Variants in YPEL2 observed in about 807,000 individuals in gnomAD.
YPEL2 encodes protein yippee-like 2.
A neutral mutation model predicts 19.1 loss-of-function variants in YPEL2; 2 were observed. That is an observed-to-expected ratio of 0.10 (90% CI 0.04 to 0.33). The LOEUF is 0.33. Ranked by LOEUF, YPEL2 falls within the 10% of genes least tolerant of loss-of-function variation. The pLI is 1.00. For synonymous variants in YPEL2, 52 were observed against 50.0 expected, an observed-to-expected ratio of 1.04 and a Z score of -0.17; for missense variants, 66 against 140.7, an observed-to-expected ratio of 0.47 and a Z score of 2.68.
chr17:59,340,283 A>G (rs1035273173), intron 1 of YPEL2, among the ~76,000 whole-genome samples: 7 of 149,704 alleles, frequency 4.7e-5, no homozygotes, highest in Non-Finnish European at 8.9e-5. Flanking sequence ...TAATTTTTGT[A>G]TTTTTAGTAG....
chr17:59,351,931 T>C (rs979514478), intron 1 of YPEL2, among the ~76,000 whole-genome samples: 1 of 152,164 alleles, frequency 6.6e-6, no homozygotes, highest in African/African-American at 2.4e-5. Flanking sequence ...AGGTATAAAG[T>C]GTCCCAGAAG....
chr17:59,358,887 C>T (rs1191505435), intron 2 of YPEL2, among the ~76,000 whole-genome samples: 4 of 150,426 alleles, frequency 2.7e-5, no homozygotes, highest in South Asian at 2.1e-4. Context: ...GGATTACAGG[C>T]GTGAGCCACT....
chr17:59,331,933 C>T (rs2047671824), intron 1 of YPEL2, 109 bp downstream of exon 1: 1 of 151,396 alleles, frequency 6.6e-6, no homozygotes, highest in Admixed American at 6.6e-5. Context: ...CCGGCCGGGC[C>T]TGCGCGGGGT....
chr17:59,397,844 G>A lies in YPEL2; in HGVS notation c.*654G>A, dbSNP rs563164242. 1.3e-5 allele frequency: 2 copies of A among 152,520 alleles called. No individual in the cohort carries two copies. Among genetic ancestry groups the A allele is most frequent in the Admixed American group, 6.5e-5 (1 of 15,286 alleles). The allele number at this position is 152,520 out of a possible 1,614,324, so 9.4% of individuals were successfully genotyped here. A position where few individuals can be genotyped will look rare whatever the true frequency, so the allele number is the denominator to read the frequency against. On this transcript the variant is annotated 3_prime_UTR_variant, in exon 5 of 5. Coordinates refer to ENST00000312655, the MANE Select transcript of YPEL2 (RefSeq NM_001005404.4). ...AGGGCCTGGTTCTCCTGGGCTGAGT[G>A]GGGGAGTGTCCTGGCAGCAGCGAGT...
intron 2 of YPEL2, among the ~76,000 whole-genome samples, chr17:59,385,407 C>T (rs1424677597): frequency 2.6e-5 from 4 of 151,620 alleles, no homozygotes; most frequent in Admixed American, 2.6e-4. Flanking sequence ...GGCAAGATTC[C>T]GTCTCTACAA....
At chr17:59,396,134 G>A (rs2048038181) in intron 4 of YPEL2, among the ~76,000 whole-genome samples, 1 of 152,178 alleles carries the variant, frequency 6.6e-6, no homozygotes. Flanking sequence ...TTAGAAACTA[G>A]CAGGAATGAC....
At position 59,353,612 on chromosome 17, in the gene YPEL2, G is replaced by T; in HGVS notation, c.117+86G>T. The stretch of plus-strand genomic sequence containing the variant: ...GTTGCAGAGGTTTACAAGCTCTCAA[G>T]AATATTTGTACTCCATCTTTGTACA... On this transcript the variant is annotated intron_variant, in intron 2 of 4. Coordinates refer to ENST00000312655, the MANE Select transcript of YPEL2 (RefSeq NM_001005404.4). The surrounding 1 kb of genome is among the most constrained non-coding windows in gnomAD (Gnocchi z 4.8). 9.8e-7 allele frequency: 1 copy of T among 1,017,716 alleles called. No homozygotes were observed. The highest frequency in any genetic ancestry group is 2.4e-5 in the East Asian group (1 of 42,010). 63.0% of individuals were successfully genotyped at this position (1,017,716 alleles called of 1,614,324 possible).
intron 2 of YPEL2, among the ~76,000 whole-genome samples, chr17:59,369,280 T>C (rs2047885327): frequency 6.6e-6 from 1 of 152,144 alleles, no homozygotes; most frequent in Non-Finnish European, 1.5e-5. Flanking sequence ...TTCTGCAGTC[T>C]TTATGTATTT....
intron 2 of YPEL2, among the ~76,000 whole-genome samples, chr17:59,362,436 A>G (rs1457109631): frequency 6.6e-6 from 1 of 152,148 alleles, no homozygotes; most frequent in Non-Finnish European, 1.5e-5. Flanking sequence ...TTTAGTATCA[A>G]GGGAGCTGCT....
At chr17:59,347,610 TGA>T (rs1211579497) in intron 1 of YPEL2, among the ~76,000 whole-genome samples, 5 of 152,232 alleles carry the variant, frequency 3.3e-5, no homozygotes, top group Admixed American at 6.5e-5. Flanking sequence ...TTCAGGCTGT[TGA>T]GAGCATGGCC....
At position 59,401,291 on chromosome 17, in the gene YPEL2, A is replaced by G. The variant is rs987368792; in HGVS notation, c.*4101A>G. 6.6e-6 allele frequency: 1 copy of G among 151,538 alleles called. No homozygotes were observed. Among genetic ancestry groups the G allele is most frequent in the Non-Finnish European group, 1.5e-5 (1 of 68,036 alleles). The allele number at this position is 151,538 out of a possible 1,614,324, so 9.4% of individuals were successfully genotyped here. A position where few individuals can be genotyped will look rare whatever the true frequency, so the allele number is the denominator to read the frequency against. Reference sequence around the variant, plus strand: ...GAAAATATGCTAGTTATCTAGATAGAGGAAAGAGATATTTACTTTTTTAAA... The same window carrying G: ...GAAAATATGCTAGTTATCTAGATAGGGGAAAGAGATATTTACTTTTTTAAA... On this transcript the variant is annotated 3_prime_UTR_variant, in exon 5 of 5. Coordinates refer to ENST00000312655, the MANE Select transcript of YPEL2 (RefSeq NM_001005404.4).
intron 2 of YPEL2, among the ~76,000 whole-genome samples, chr17:59,377,772 G>A (rs2047929538): frequency 6.6e-6 from 1 of 152,196 alleles, no homozygotes; most frequent in Non-Finnish European, 1.5e-5. Flanking sequence ...TGGGGTCTAA[G>A]CCGTAGGGGG....
intron 1 of YPEL2, among the ~76,000 whole-genome samples, chr17:59,344,900 TC>T (rs2047748530): frequency 1.3e-5 from 2 of 152,200 alleles, no homozygotes; most frequent in African/African-American, 2.4e-5. Context: ...AGAGCAGTGG[TC>T]CCCAACCTTT....
At chr17:59,380,058 G>T (rs572276507) in intron 2 of YPEL2, among the ~76,000 whole-genome samples, 3 of 150,738 alleles carry the variant, frequency 2.0e-5, no homozygotes, top group Admixed American at 1.3e-4. Context: ...ACTGGGTTTC[G>T]TCATGTTGGC....
rs188252002 is a variant in YPEL2, at chr17:59,400,843, T to C, written c.*3653T>C. ...TTACACCTCGGGCGCATAAAGTTTT[T>C]CTTCTCTTTCTCTCTGGTTGTTTCT... On this transcript the variant is annotated 3_prime_UTR_variant, in exon 5 of 5. Transcript: ENST00000312655. The C allele has an allele frequency of 8.5e-3, 1,294 of 152,790 alleles. 9 individuals carry two copies. The highest frequency in any genetic ancestry group is 0.013 in the Non-Finnish European group (889 of 68,036). The allele number at this position is 152,790 out of a possible 1,614,324, so 9.5% of individuals were successfully genotyped here. A position where few individuals can be genotyped will look rare whatever the true frequency, so the allele number is the denominator to read the frequency against.
At chr17:59,367,435 T>C (rs978964781) in intron 2 of YPEL2, among the ~76,000 whole-genome samples, 9 of 152,180 alleles carry the variant, frequency 5.9e-5, no homozygotes, top group African/African-American at 2.2e-4. Flanking sequence ...CAGATAGTAT[T>C]TTACGCTTTG....
chr17:59,342,686 G>T (rs530288778), intron 1 of YPEL2, among the ~76,000 whole-genome samples: 90 of 152,280 alleles, frequency 5.9e-4, no homozygotes, highest in African/African-American at 2.1e-3. Context: ...GTTGAAGGGC[G>T]GCAGTCTCTT....
intron 1 of YPEL2, among the ~76,000 whole-genome samples, chr17:59,336,070 A>G (rs1388095335): frequency 6.6e-6 from 1 of 152,226 alleles, no homozygotes; most frequent in African/African-American, 2.4e-5. Context: ...CTTGCTGCTG[A>G]AAATGCTTGG....
chr17:59,333,587 C>T (rs995125286), intron 1 of YPEL2, among the ~76,000 whole-genome samples: 2 of 152,162 alleles, frequency 1.3e-5, no homozygotes, highest in Admixed American at 1.3e-4. Flanking sequence ...CCCTTACTCC[C>T]TGCAGTGTGC....
Sources: gnomAD v4.1 joint callset for allele counts (sites outside exome capture counted in the v4.1 genomes callset) on GRCh38, gnomAD v4.1.1 for gene constraint, Gnocchi (gnomAD v3.1) non-coding constraint, MANE v1.5 for transcripts, NCBI Gene and HGNC (gene_info 2026-07-23, HGNC 2026-07-21) for gene names.